MCTP1: variants seen among roughly 807,000 people sequenced by gnomAD.
The protein encoded by MCTP1 is multiple C2 and transmembrane domain-containing protein 1.
Under a neutral mutation model 120.6 loss-of-function variants are expected in MCTP1, and 69 were observed. That is an observed-to-expected ratio of 0.57 (90% CI 0.47 to 0.70). The LOEUF is 0.70. MCTP1 is among the 30% of genes least tolerant of loss of function. The pLI is 0.00. For missense variants in MCTP1, 1,203 were observed against 1,248.8 expected (o/e 0.96, Z 0.55); for synonymous variants, 529 against 493.1 (o/e 1.07, Z -0.96).
intron 19 of MCTP1, among the ~76,000 whole-genome samples, chr5:94,726,912 A>T (rs1439157152): frequency 1.3e-5 from 2 of 152,236 alleles, no homozygotes; most frequent in East Asian, 3.8e-4. Context: ...ACCTTGAGTT[A>T]TAATCAAATC....
chr5:94,944,188 A>C (rs1818396582), intron 3 of MCTP1, among the ~76,000 whole-genome samples: 4 of 152,168 alleles, frequency 2.6e-5, no homozygotes, highest in Non-Finnish European at 4.4e-5. Context: ...GGATTTATTT[A>C]AGTAATAAGC....
chr5:94,739,384 T>C (rs1315905976), intron 19 of MCTP1: 1 of 152,224 alleles, frequency 6.6e-6, no homozygotes, highest in Non-Finnish European at 1.5e-5. Context: ...CTGGTTCTGA[T>C]TAAAACCACC....
intron 19 of MCTP1, among the ~76,000 whole-genome samples, chr5:94,747,496 C>T (rs747820067): frequency 3.9e-5 from 6 of 151,950 alleles, no homozygotes; most frequent in East Asian, 3.9e-4. Context: ...TCTGTGTTGC[C>T]GCTATTCACC....
At chr5:94,990,312 TA>T (rs2153613906) in intron 2 of MCTP1, among the ~76,000 whole-genome samples, 1 of 152,326 alleles carries the variant, frequency 6.6e-6, no homozygotes, top group African/African-American at 2.4e-5. Flanking sequence ...GTGCTGTAAG[TA>T]TAGAAAAAGA....
intron 18 of MCTP1, among the ~76,000 whole-genome samples, chr5:94,784,105 A>G (rs1276726239): frequency 6.6e-6 from 1 of 152,126 alleles, no homozygotes; most frequent in Non-Finnish European, 1.5e-5. Context: ...CTGACACAAA[A>G]GAAAGAAGTT....
rs375189153 is a variant in MCTP1 at position 94,867,167 on chromosome 5, T to C, written c.2436+1166A>G. 7.7e-6 allele frequency: 10 copies of C among 1,300,908 alleles called. No individual in the cohort carries two copies. In the East Asian group the frequency reaches 1.3e-4, roughly 17 times the overall value. The allele number at this position is 1,300,908 out of a possible 1,614,324, so 80.6% of individuals were successfully genotyped here. ...GCTTAATAGTACCACCATATATTTATTATAAGAAAGAGCTACAAAAAGAAT... is the reference window on the plus strand; with the variant it reads ...GCTTAATAGTACCACCATATATTTACTATAAGAAAGAGCTACAAAAAGAAT... On this transcript the variant is annotated intron_variant, in intron 17 of 22. Coordinates refer to ENST00000515393, the MANE Select transcript of MCTP1 (RefSeq NM_024717.7).
At chr5:95,234,986 T>G (rs1755381185) in intron 1 of MCTP1, among the ~76,000 whole-genome samples, 1 of 152,094 alleles carries the variant, frequency 6.6e-6, no homozygotes, top group East Asian at 1.9e-4. Context: ...ACTAATTCTA[T>G]GAAGCCATTA....
intron 12 of MCTP1, among the ~76,000 whole-genome samples, chr5:94,885,512 G>C (rs1483293561): frequency 6.6e-6 from 1 of 152,084 alleles, no homozygotes; most frequent in Non-Finnish European, 1.5e-5. Flanking sequence ...CTGCTCAAGG[G>C]AAAGAATAAT....
At chr5:94,748,017 G>C (rs191724075) in intron 19 of MCTP1, among the ~76,000 whole-genome samples, 1 of 152,286 alleles carries the variant, frequency 6.6e-6, no homozygotes, top group East Asian at 1.9e-4. Context: ...TTGAACCCAG[G>C]AGTCAGAGGT....
At chr5:94,743,212 G>A (rs965178399) in intron 19 of MCTP1, among the ~76,000 whole-genome samples, 1 of 150,276 alleles carries the variant, frequency 6.7e-6, no homozygotes, top group African/African-American at 2.4e-5. Flanking sequence ...TAAATGGGAC[G>A]AAGCAAGAAT....
rs182309667 is a variant in MCTP1 at position 95,196,926 on chromosome 5, T to C, written c.720+86930A>G. ...TTTATTAAGCCAGCTTTTTAATACA[T>C]TCAACAGATTGATTTTTTTAAAAAA... On this transcript the variant is annotated intron_variant, in intron 1 of 22. Coordinates refer to ENST00000515393, the MANE Select transcript of MCTP1 (RefSeq NM_024717.7). Among the ~76,000 whole-genome samples, 249 of 152,342 alleles carry C rather than the reference T, an allele frequency of 1.6e-3. 2 individuals carry two copies. The highest frequency in any genetic ancestry group is 5.7e-3 in the African/African-American group (236 of 41,584).
At chr5:95,278,408 A>G (rs1760026261) in intron 1 of MCTP1, among the ~76,000 whole-genome samples, 1 of 152,224 alleles carries the variant, frequency 6.6e-6, no homozygotes, top group Non-Finnish European at 1.5e-5. Flanking sequence ...CAGAAAGGTA[A>G]GCATGTCATA....
chr5:94,933,502 A>G (rs991372088), intron 5 of MCTP1, among the ~76,000 whole-genome samples: 6 of 151,914 alleles, frequency 3.9e-5, no homozygotes, highest in African/African-American at 1.4e-4. Context: ...GAGTTGGATA[A>G]TAAACACTCA....
intron 1 of MCTP1, among the ~76,000 whole-genome samples, chr5:95,106,183 G>C (rs1430519889): frequency 1.3e-5 from 2 of 152,206 alleles, no homozygotes; most frequent in Non-Finnish European, 2.9e-5. Flanking sequence ...TCACAGATGG[G>C]CCATCGCAGA....
At chr5:94,711,584 A>G (rs185251025) in intron 20 of MCTP1, among the ~76,000 whole-genome samples, 8 of 152,266 alleles carry the variant, frequency 5.3e-5, no homozygotes, top group Non-Finnish European at 1.0e-4. Context: ...ATTATCTCTC[A>G]TGTACTCCTT....
intron 17 of MCTP1, among the ~76,000 whole-genome samples, chr5:94,825,665 G>A (rs562437443): frequency 1.3e-5 from 2 of 152,158 alleles, no homozygotes; most frequent in South Asian, 2.1e-4. Context: ...CTATTATTGT[G>A]TGGGAGTCTA....
intron 1 of MCTP1, among the ~76,000 whole-genome samples, chr5:95,144,101 C>T (rs1760167858): frequency 6.6e-6 from 1 of 152,126 alleles, no homozygotes; most frequent in Non-Finnish European, 1.5e-5. Flanking sequence ...AAGTGTTATT[C>T]TGACTGGTGT....
chr5:95,122,404 A>G (rs1758310493), intron 1 of MCTP1, among the ~76,000 whole-genome samples: 1 of 152,216 alleles, frequency 6.6e-6, no homozygotes, highest in South Asian at 2.1e-4. Context: ...AATGGTGCTC[A>G]ACATCATTGA....
chr5:95,119,294 C>T (rs1398269396), intron 1 of MCTP1, among the ~76,000 whole-genome samples: 1 of 151,960 alleles, frequency 6.6e-6, no homozygotes, highest in African/African-American at 2.4e-5. Flanking sequence ...ATCAGTGAGT[C>T]AATGAAGACA....
Sources: gnomAD v4.1 joint callset for allele counts (sites outside exome capture counted in the v4.1 genomes callset) on GRCh38, gnomAD v4.1.1 for gene constraint, MANE v1.5 for transcripts, NCBI Gene and HGNC (gene_info 2026-07-23, HGNC 2026-07-21) for gene names.